RNF220: variants seen among roughly 807,000 people sequenced by gnomAD.
RNF220 encodes the protein E3 ubiquitin-protein ligase RNF220.
A neutral mutation model predicts 67.1 loss-of-function variants in RNF220; 7 were observed. That is an observed-to-expected ratio of 0.10 (90% CI 0.06 to 0.20). RNF220 has a LOEUF of 0.20. Among genes scored for constraint, RNF220 ranks in the 10% least tolerant of loss-of-function variants. The pLI, the probability that RNF220 is intolerant of heterozygous loss-of-function variation, is 1.00. For missense variants in RNF220, 565 were observed against 740.3 expected (o/e 0.76, Z 2.75); for synonymous variants, 270 against 283.2 (o/e 0.95, Z 0.47).
intron 2 of RNF220, among the ~76,000 whole-genome samples, chr1:44,446,793 G>C (rs182234965): frequency 2.0e-5 from 3 of 152,062 alleles, no homozygotes; most frequent in African/African-American, 7.2e-5. Context: ...TCCTGACCTC[G>C]TGATCTGCCC....
intron 2 of RNF220, among the ~76,000 whole-genome samples, chr1:44,544,959 C>G (rs1425614650): frequency 6.6e-6 from 1 of 152,210 alleles, no homozygotes; most frequent in African/African-American, 2.4e-5. Flanking sequence ...GTTAATGCAA[C>G]CAGGAAATAC....
In RNF220 at chr1:44,463,758, G is replaced by C. The variant is rs374017221; in HGVS notation, c.625+51036G>C. ...TCTTTCTTTGTTTTTAGACTAACTT[G>C]AGTTTCCAGAATTAACCAGGAGCTG... On this transcript the variant is annotated intron_variant, in intron 2 of 14. Transcript: ENST00000361799. Among the ~76,000 whole-genome samples, 5 of 152,240 alleles carry C rather than the reference G, an allele frequency of 3.3e-5. 1 individual carries two copies. Among genetic ancestry groups the C allele is most frequent in the South Asian group, 4.1e-4 (2 of 4,826 alleles).
chr1:44,594,272 C>T (rs182464927), intron 2 of RNF220, among the ~76,000 whole-genome samples: 3 of 152,236 alleles, frequency 2.0e-5, no homozygotes, highest in Admixed American at 6.5e-5. Flanking sequence ...GCCTCCCCCC[C>T]TCCCTCCTTG....
chr1:44,648,850 T>A (rs1035907046), intron 12 of RNF220: 37 of 152,298 alleles, frequency 2.4e-4, no homozygotes, highest in African/African-American at 8.2e-4. Context: ...CAGCCCGCCC[T>A]CAGGGAACCC....
chr1:44,579,520 A>G (rs988806897), intron 2 of RNF220, among the ~76,000 whole-genome samples: 3 of 152,194 alleles, frequency 2.0e-5, no homozygotes, highest in Non-Finnish European at 4.4e-5. Flanking sequence ...GCAGCCTCTT[A>G]CATGTGAGCC....
chr1:44,475,780 G>A (rs1328048542), intron 2 of RNF220, among the ~76,000 whole-genome samples: 1 of 134,292 alleles, frequency 7.4e-6, no homozygotes, highest in Non-Finnish European at 1.5e-5. Flanking sequence ...TTGGGAGGCC[G>A]AGGTAGGTGG....
At position 44,434,570 on chromosome 1, in the gene RNF220, A is replaced by G. The variant is rs370747766; in HGVS notation, c.625+21848A>G. On this transcript the variant is annotated intron_variant, in intron 2 of 14. Transcript: ENST00000361799. ...AAAAATACAACAACAACAAAAAATTAGCCAGGCATGGTGGTGGGCGCCTGT... is the reference window on the plus strand; with the variant it reads ...AAAAATACAACAACAACAAAAAATTGGCCAGGCATGGTGGTGGGCGCCTGT... Among the ~76,000 whole-genome samples, 7 of 152,132 alleles carry G rather than the reference A, an allele frequency of 4.6e-5. No individual in the cohort carries two copies. The East Asian group carries it at 9.7e-4, about 21-fold the overall frequency.
intron 2 of RNF220, among the ~76,000 whole-genome samples, chr1:44,517,526 C>A (rs1387101862): frequency 6.6e-6 from 1 of 152,124 alleles, no homozygotes; most frequent in African/African-American, 2.4e-5. Flanking sequence ...TATTTCTTAT[C>A]TATTGTCTTC....
rs963953199 is a variant in RNF220, at chr1:44,621,973, G to A, written c.759-769G>A. 2.0e-5 allele frequency among the ~76,000 whole-genome samples: 3 copies of A among 152,152 alleles called. No individual in the cohort carries two copies. Among genetic ancestry groups the A allele is most frequent in the Non-Finnish European group, 4.4e-5 (3 of 68,024 alleles). On this transcript the variant is annotated intron_variant, in intron 3 of 14. Coordinates refer to ENST00000361799, the MANE Select transcript of RNF220 (RefSeq NM_018150.4). The surrounding 1 kb of genome is among the most constrained non-coding windows in gnomAD (Gnocchi z 4.8). Reference sequence around the variant, plus strand: ...CGTAGTGGGGGCAGCAGGCAGGGAGGGACAGGAACAGGGATATTAATGTTT... The same window carrying A: ...CGTAGTGGGGGCAGCAGGCAGGGAGAGACAGGAACAGGGATATTAATGTTT...
intron 5 of RNF220, among the ~76,000 whole-genome samples, chr1:44,631,192 A>C (rs1355226009): frequency 6.6e-6 from 1 of 152,224 alleles, no homozygotes; most frequent in Non-Finnish European, 1.5e-5. Flanking sequence ...CCACTGATAA[A>C]AACTTCACAA....
intron 2 of RNF220, among the ~76,000 whole-genome samples, chr1:44,554,191 G>A (rs766844158): frequency 3.3e-5 from 5 of 152,112 alleles, no homozygotes; most frequent in Non-Finnish European, 5.9e-5. Context: ...CCCCAGGAAT[G>A]GAGGAAGGAT....
At chr1:44,632,241 C>G (rs1299164561) in intron 5 of RNF220, 102 bp from the exon 6 acceptor site, 2 of 1,613,078 alleles carry the variant, frequency 1.2e-6, no homozygotes, top group Non-Finnish European at 1.7e-6. Flanking sequence ...TGGGGCGGAG[C>G]AGCTTTGGTC....
In RNF220 at chr1:44,639,123, G is replaced by T. The variant is rs542759361; in HGVS notation, c.1126+2961G>T. 3.3e-5 allele frequency among the ~76,000 whole-genome samples: 5 copies of T among 152,298 alleles called. No individual in the cohort carries two copies. In the South Asian group the frequency reaches 1.0e-3, roughly 32 times the overall value. ...TTTCTTGGGTACCATGCCAAACCTG[G>T]GCAGAGCAAGGGGCTTCTAGGCTAG... is the stretch of plus-strand genomic sequence containing the variant. On this transcript the variant is annotated intron_variant, in intron 8 of 14. Coordinates refer to ENST00000361799, the MANE Select transcript of RNF220 (RefSeq NM_018150.4).
intron 2 of RNF220, among the ~76,000 whole-genome samples, chr1:44,430,494 T>C (rs1425396599): frequency 2.6e-5 from 4 of 152,168 alleles, no homozygotes; most frequent in Admixed American, 2.6e-4. Flanking sequence ...ATCTTTGCAA[T>C]TTTTCCATAA....
At chr1:44,488,507 G>T (rs1422904509) in intron 2 of RNF220, among the ~76,000 whole-genome samples, 1 of 152,000 alleles carries the variant, frequency 6.6e-6, no homozygotes, top group Non-Finnish European at 1.5e-5. Flanking sequence ...TAGAGATGGG[G>T]TATTGCTGTG....
At chr1:44,491,148 A>G (rs993762734) in intron 2 of RNF220, among the ~76,000 whole-genome samples, 1 of 152,194 alleles carries the variant, frequency 6.6e-6, no homozygotes, top group Non-Finnish European at 1.5e-5. Context: ...AAATTCTACC[A>G]AACATTTTAG....
Position 44,614,216 on chromosome 1 carries a change from T to C in RNF220, c.677T>C (p.Ile226Thr). The C allele has an allele frequency of 6.2e-7, 1 of 1,614,176 alleles. No individual in the cohort carries two copies. The change falls in exon 3 of 15, where the codon ATC (isoleucine) becomes ACC (threonine). Residue 226 changes from isoleucine (I) to threonine (T), a missense_variant. Coordinates refer to ENST00000361799, the MANE Select transcript of RNF220 (RefSeq NM_018150.4). ...LFDSQAPICP[I>T]CQVLLRPSEL... is the part of the protein sequence containing the mutation. ...GACAGCCAGGCCCCAATTTGCCCCATCTGCCAGGTCCTGCTGAGGCCCAGT... is the reference window on the plus strand; with the variant it reads ...GACAGCCAGGCCCCAATTTGCCCCACCTGCCAGGTCCTGCTGAGGCCCAGT...
chr1:44,428,592 T>A (rs1176983443), intron 2 of RNF220, among the ~76,000 whole-genome samples: 1 of 152,104 alleles, frequency 6.6e-6, no homozygotes, highest in African/African-American at 2.4e-5. Flanking sequence ...TCGCTCCCAC[T>A]CCACTATCCC....
At chr1:44,554,022 C>T (rs1281471923) in intron 2 of RNF220, among the ~76,000 whole-genome samples, 1 of 152,186 alleles carries the variant, frequency 6.6e-6, no homozygotes, top group Non-Finnish European at 1.5e-5. Flanking sequence ...CTCTCGTTCT[C>T]TAATGTCCTC....
Sources: allele counts gnomAD v4.1 joint callset (sites outside exome capture counted in the v4.1 genomes callset), GRCh38; gene constraint gnomAD v4.1.1; non-coding constraint Gnocchi (gnomAD v3.1); transcripts MANE v1.5; gene names NCBI Gene and HGNC (gene_info 2026-07-23, HGNC 2026-07-21).